The following L3MBTL4 variants were observed in gnomAD, a reference collection of about 807,000 sequenced individuals.
L3MBTL4 encodes lethal(3)malignant brain tumor-like protein 4.
A neutral mutation model predicts 84.5 loss-of-function variants in L3MBTL4; 70 were observed. That is an observed-to-expected ratio of 0.83 (90% CI 0.68 to 1.01). The LOEUF is 1.01. Ranked by LOEUF, L3MBTL4 falls within the 50% of genes least tolerant of loss-of-function variation. L3MBTL4 has a pLI of 0.00. For missense variants in L3MBTL4, 715 were observed against 754.8 expected (o/e 0.95, Z 0.62); for synonymous variants, 274 against 259.8 (o/e 1.05, Z -0.52).
intron 16 of L3MBTL4, among the ~76,000 whole-genome samples, chr18:6,028,294 G>A (rs1202690442): frequency 6.6e-6 from 1 of 152,156 alleles, no homozygotes; most frequent in African/African-American, 2.4e-5. Flanking sequence ...ATTAAATAGG[G>A]AATCCTTTCC....
At chr18:6,180,239 A>C (rs1428730158) in intron 12 of L3MBTL4, among the ~76,000 whole-genome samples, 2 of 152,010 alleles carry the variant, frequency 1.3e-5, no homozygotes, top group Non-Finnish European at 2.9e-5. Flanking sequence ...GAAAGGAAAA[A>C]TATATATATA....
intron 16 of L3MBTL4, among the ~76,000 whole-genome samples, chr18:6,059,108 G>C (rs929622125): frequency 1.3e-5 from 2 of 152,218 alleles, no homozygotes; most frequent in African/African-American, 4.8e-5. Flanking sequence ...TACGCATCTA[G>C]TCTGGAGTGA....
At chr18:6,158,693 G>C (rs1365798179) in intron 13 of L3MBTL4, among the ~76,000 whole-genome samples, 1 of 152,202 alleles carries the variant, frequency 6.6e-6, no homozygotes, top group Non-Finnish European at 1.5e-5. Flanking sequence ...TACATCTGTA[G>C]AAAGAGATCC....
chr18:6,368,425 C>A (rs1337417752), intron 1 of L3MBTL4, among the ~76,000 whole-genome samples: 1 of 152,160 alleles, frequency 6.6e-6, no homozygotes, highest in East Asian at 1.9e-4. Flanking sequence ...TTGCTAGGGA[C>A]CCTGGGTGAT....
intron 1 of L3MBTL4, chr18:6,374,480 T>C (rs1003296803): frequency 2.6e-5 from 4 of 154,826 alleles, no homozygotes; most frequent in African/African-American, 9.6e-5. Flanking sequence ...ATTTCTTTTG[T>C]GGGATTGTGC....
At chr18:6,069,603 T>C (rs2057513580) in intron 16 of L3MBTL4, among the ~76,000 whole-genome samples, 1 of 152,020 alleles carries the variant, frequency 6.6e-6, no homozygotes, top group South Asian at 2.1e-4. Flanking sequence ...ACTGTGAGGA[T>C]TGGGAGGTGG....
chr18:5,983,084 C>T (rs572366808), intron 16 of L3MBTL4, among the ~76,000 whole-genome samples: 1 of 152,272 alleles, frequency 6.6e-6, no homozygotes, highest in South Asian at 2.1e-4. Flanking sequence ...TTAAGGGAGG[C>T]TCAAGTTGCT....
intron 5 of L3MBTL4, among the ~76,000 whole-genome samples, chr18:6,252,066 C>G (rs1348628723): frequency 6.6e-6 from 1 of 152,220 alleles, no homozygotes; most frequent in Non-Finnish European, 1.5e-5. Flanking sequence ...AATCCCAGCA[C>G]TTTGGGAGGC....
At chr18:6,306,783 T>C (rs1347469156) in intron 3 of L3MBTL4, among the ~76,000 whole-genome samples, 3 of 152,132 alleles carry the variant, frequency 2.0e-5, no homozygotes, top group African/African-American at 7.2e-5. Flanking sequence ...GAAAGACCCA[T>C]AAAGTTCTTG....
intron 14 of L3MBTL4, among the ~76,000 whole-genome samples, chr18:6,097,850 T>G (rs923911113): frequency 1.1e-4 from 17 of 152,278 alleles, no homozygotes; most frequent in African/African-American, 4.1e-4. Context: ...TGCCATCCCC[T>G]TCCCATGACA....
intron 9 of L3MBTL4, among the ~76,000 whole-genome samples, chr18:6,238,857 T>C (rs1186779415): frequency 1.3e-5 from 2 of 152,034 alleles, no homozygotes; most frequent in African/African-American, 4.8e-5. Flanking sequence ...GAGGGACATA[T>C]GTGGAGAAAT....
intron 17 of L3MBTL4, among the ~76,000 whole-genome samples, chr18:5,965,995 G>C (rs971382819): frequency 5.9e-5 from 9 of 152,140 alleles, no homozygotes; most frequent in Non-Finnish European, 1.2e-4. Context: ...GCCTCTCCCA[G>C]CAGCAAGGGC....
chr18:6,296,772 A>G lies in L3MBTL4; in HGVS notation c.127+5131T>C, dbSNP rs553895569. Among the ~76,000 whole-genome samples the G allele has an allele frequency of 2.4e-4, 37 of 152,308 alleles. No homozygotes were observed. The Middle Eastern group carries it at 0.01, about 42-fold the overall frequency. On this transcript the variant is annotated intron_variant, in intron 4 of 18. Coordinates refer to ENST00000317931, the MANE Select transcript of L3MBTL4 (RefSeq NM_001330559.2). ...ATCTTAGTTGGGGAAAAGAGGGTAT[A>G]GAAAGACTGAAAAGTGACCAGGAAC...
intron 1 of L3MBTL4, among the ~76,000 whole-genome samples, chr18:6,366,961 G>A (rs1176653075): frequency 6.6e-6 from 1 of 152,230 alleles, no homozygotes; most frequent in Non-Finnish European, 1.5e-5. Context: ...CAGCAGCAGT[G>A]CCTGGCAGTG....
At chr18:6,296,709 G>A (rs186725954) in intron 4 of L3MBTL4, among the ~76,000 whole-genome samples, 2 of 152,238 alleles carry the variant, frequency 1.3e-5, no homozygotes, top group Admixed American at 1.3e-4. Flanking sequence ...CTAGGGAAGG[G>A]GGGTTATGAG....
intron 16 of L3MBTL4, among the ~76,000 whole-genome samples, chr18:6,021,986 C>T (rs1001872151): frequency 2.6e-5 from 4 of 152,126 alleles, no homozygotes; most frequent in Admixed American, 2.6e-4. Context: ...CATCTTCTGC[C>T]ACTCTCTCTA....
intron 5 of L3MBTL4, among the ~76,000 whole-genome samples, chr18:6,251,503 A>T (rs1319353833): frequency 6.6e-6 from 1 of 152,214 alleles, no homozygotes; most frequent in East Asian, 1.9e-4. Flanking sequence ...TAACACATTA[A>T]ATCATCATAA....
chr18:6,126,206 T>C (rs1375934579), intron 14 of L3MBTL4, among the ~76,000 whole-genome samples: 1 of 152,230 alleles, frequency 6.6e-6, no homozygotes, highest in Non-Finnish European at 1.5e-5. Context: ...GTGGTTTTTA[T>C]TTATTTTTAA....
At chr18:6,073,220 T>C (rs1367486007) in intron 16 of L3MBTL4, among the ~76,000 whole-genome samples, 1 of 151,164 alleles carries the variant, frequency 6.6e-6, no homozygotes, top group East Asian at 2.0e-4. Context: ...CACATAAACA[T>C]CAATTTCAGG....
Sources: allele counts gnomAD v4.1 joint callset (sites outside exome capture counted in the v4.1 genomes callset), GRCh38; gene constraint gnomAD v4.1.1; transcripts MANE v1.5; gene names NCBI Gene and HGNC (gene_info 2026-07-23, HGNC 2026-07-21).